Variants in KHDRBS1 observed in about 807,000 individuals in gnomAD.
The protein encoded by KHDRBS1 is KH domain-containing, RNA-binding, signal transduction-associated protein 1.
A neutral mutation model predicts 48.4 loss-of-function variants in KHDRBS1; 7 were observed. The observed-to-expected ratio is 0.14, with a 90% CI of 0.08 to 0.27. The LOEUF (loss-of-function observed/expected upper bound fraction) is 0.27, where lower values mean the gene tolerates loss of function less well. Ranked by LOEUF, KHDRBS1 falls within the 10% of genes least tolerant of loss-of-function variation. The pLI is 1.00. For synonymous variants in KHDRBS1, 241 were observed against 235.8 expected (o/e 1.02, Z -0.20); for missense variants, 458 against 601.2 (o/e 0.76, Z 2.49).
chr1:32,047,877 G>T (rs1299676547), downstream of KHDRBS1, among the ~76,000 whole-genome samples: 1 of 152,076 alleles, frequency 6.6e-6, no homozygotes, highest in Non-Finnish European at 1.5e-5. Flanking sequence ...CTCCCCAGCT[G>T]TTGGCAGCCA....
chr1:32,019,429 A>G (rs1638811640), intron 1 of KHDRBS1, among the ~76,000 whole-genome samples: 1 of 152,140 alleles, frequency 6.6e-6, no homozygotes, highest in South Asian at 2.1e-4. Flanking sequence ...AGGTGCCTGT[A>G]ATGCCGGCTA....
At position 32,030,351 on chromosome 1, in the gene KHDRBS1, T is replaced by C. The variant is rs373225930; in HGVS notation, c.436T>C (p.Leu146=). The change falls in exon 2 of 9, where the codon TTG becomes CTG. Residue 146 remains leucine, a synonymous_variant. Transcript: ENST00000327300. The stretch of plus-strand genomic sequence containing the variant: ...AAAAAAGGATGATGAGGAGAATTAC[T>C]TGGATTTATTTTCTCATAAGAACAT... ...DSKKDDEENY[L]DLFSHKNMKL... is the part of the protein sequence containing the mutation. The C allele has an allele frequency of 5.0e-6, 8 of 1,611,910 alleles. No individual in the cohort carries two copies. The African/African-American group carries it at 6.7e-5, about 13-fold the overall frequency.
intron 1 of KHDRBS1, among the ~76,000 whole-genome samples, chr1:32,016,771 T>C (rs547255785): frequency 7.2e-5 from 11 of 152,226 alleles, no homozygotes; most frequent in African/African-American, 2.7e-4. Context: ...ATTGTCGTTA[T>C]GTACAGTATT....
At chr1:32,028,644 A>T (rs1471603061) in intron 1 of KHDRBS1, among the ~76,000 whole-genome samples, 7 of 150,546 alleles carry the variant, frequency 4.6e-5, no homozygotes, top group African/African-American at 1.7e-4. Context: ...CTGGGACTAC[A>T]GGTGCCCACC....
intron 10 of KHDRBS1, among the ~76,000 whole-genome samples, chr1:32,053,578 A>T (rs904076184): frequency 4.6e-5 from 7 of 152,014 alleles, no homozygotes; most frequent in Admixed American, 3.9e-4. Context: ...TATAGAAACA[A>T]GTCTCTATGT....
chr1:32,055,708 AG>A (rs1198111441), intron 10 of KHDRBS1, among the ~76,000 whole-genome samples: 1 of 152,068 alleles, frequency 6.6e-6, no homozygotes, highest in Non-Finnish European at 1.5e-5. Flanking sequence ...TGGCTCTTCA[AG>A]GCCCCTTAGG....
chr1:32,019,643 A>C (rs1362273032), intron 1 of KHDRBS1, among the ~76,000 whole-genome samples: 3 of 152,268 alleles, frequency 2.0e-5, no homozygotes, highest in Non-Finnish European at 4.4e-5. Context: ...ATCTAATGTT[A>C]TATGAAGAAA....
intron 1 of KHDRBS1, among the ~76,000 whole-genome samples, chr1:32,028,501 T>C (rs1375654653): frequency 9.1e-6 from 1 of 110,376 alleles, no homozygotes; most frequent in Non-Finnish European, 1.7e-5. Flanking sequence ...CTATATATAC[T>C]TTTTTTTTTT....
At position 32,038,023 on chromosome 1, in the gene KHDRBS1, CAT is replaced by C; in HGVS notation, c.1097_1098del (p.Tyr366Ter). The stretch of plus-strand genomic sequence containing the variant: ...TTGCCTCCACCTCCTGCACCAGAAA[CAT>C]ATGAAGAATATGTAAGAAATTTGAA... On this transcript the variant is annotated frameshift_variant, in exon 6 of 9. Transcript: ENST00000327300. LOFTEE classifies it high-confidence loss of function. 1 of 1,614,088 alleles carries C rather than the reference CAT, an allele frequency of 6.2e-7. No homozygotes were observed. The highest frequency in any genetic ancestry group is 2.2e-5 in the East Asian group (1 of 44,882).
rs1272479905 is a variant in KHDRBS1, at chr1:32,038,485, G to A, written c.1108-67G>A. On this transcript the variant is annotated intron_variant, in intron 6 of 8. Coordinates refer to ENST00000327300, the MANE Select transcript of KHDRBS1 (RefSeq NM_006559.3). ...AGAAGCCTACTTACTCCCATGGGATGTAATTACCTTTCCTACTCTCTATGA... is the reference window on the plus strand; with the variant it reads ...AGAAGCCTACTTACTCCCATGGGATATAATTACCTTTCCTACTCTCTATGA... The A allele has an allele frequency of 8.7e-6, 13 of 1,499,078 alleles. No homozygotes were observed. In the Admixed American group the frequency reaches 1.7e-4, roughly 20 times the overall value. 92.9% of individuals were successfully genotyped at this position (1,499,078 alleles called of 1,614,324 possible). A position where few individuals can be genotyped will look rare whatever the true frequency, so the allele number is the denominator to read the frequency against.
At chr1:32,015,744 A>G (rs1049884291) in intron 1 of KHDRBS1, among the ~76,000 whole-genome samples, 3 of 152,208 alleles carry the variant, frequency 2.0e-5, no homozygotes, top group Admixed American at 2.0e-4. Context: ...TCTTTCTAGC[A>G]TGGATAAGTG....
intron 8 of KHDRBS1, among the ~76,000 whole-genome samples, chr1:32,041,899 T>A (rs1639288964): frequency 6.6e-6 from 1 of 152,242 alleles, no homozygotes; most frequent in Non-Finnish European, 1.5e-5. Context: ...TGGAATTATC[T>A]TAAACAGTGC....
At chr1:32,038,091 A>G (rs189005935) in intron 6 of KHDRBS1, 55 bp downstream of exon 6, 4 of 1,602,040 alleles carry the variant, frequency 2.5e-6, no homozygotes, top group Admixed American at 1.7e-5. Context: ...TGCTAAAGGA[A>G]GTTGAATGAC....
intron 1 of KHDRBS1, among the ~76,000 whole-genome samples, chr1:32,025,459 C>T (rs1557891817): frequency 1.3e-5 from 2 of 151,348 alleles, no homozygotes; most frequent in Admixed American, 6.6e-5. Context: ...CGCCACCATG[C>T]CCAGCTCATT....
chr1:32,049,266 G>A (rs1569821199), intron 10 of KHDRBS1, among the ~76,000 whole-genome samples: 1 of 151,968 alleles, frequency 6.6e-6, no homozygotes, highest in African/African-American at 2.4e-5. Flanking sequence ...GTGTTGGCCA[G>A]GCTGGTCTCG....
chr1:32,017,513 T>G (rs1294694354), intron 1 of KHDRBS1, among the ~76,000 whole-genome samples: 1 of 151,888 alleles, frequency 6.6e-6, no homozygotes, highest in South Asian at 2.1e-4. Flanking sequence ...CTTTGTTTTC[T>G]GGAAGAGAAA....
intron 8 of KHDRBS1, among the ~76,000 whole-genome samples, chr1:32,040,023 T>G (rs938797718): frequency 6.6e-6 from 1 of 151,972 alleles, no homozygotes; most frequent in Non-Finnish European, 1.5e-5. Context: ...AAAAAAAATT[T>G]AGATCTCATT....
intron 1 of KHDRBS1, among the ~76,000 whole-genome samples, chr1:32,026,595 G>A (rs1569781716): frequency 1.3e-5 from 2 of 152,104 alleles, no homozygotes; most frequent in Admixed American, 6.6e-5. Flanking sequence ...AAAATGAAAG[G>A]CCTTAAATTC....
chr1:32,022,098 G>C (rs1319539619), intron 1 of KHDRBS1, among the ~76,000 whole-genome samples: 1 of 151,838 alleles, frequency 6.6e-6, no homozygotes, highest in Non-Finnish European at 1.5e-5. Context: ...CTCCTGAGTA[G>C]CTGAGACTAC....
Sources: allele counts gnomAD v4.1 joint callset (sites outside exome capture counted in the v4.1 genomes callset), GRCh38; gene constraint gnomAD v4.1.1; transcripts MANE v1.5; gene names NCBI Gene and HGNC (gene_info 2026-07-23, HGNC 2026-07-21).